The following ANKS1B variants were observed in gnomAD, a reference collection of about 807,000 sequenced individuals.
The protein encoded by ANKS1B is ankyrin repeat and sterile alpha motif domain containing 1B, also known as ankyrin repeat and sterile alpha motif domain-containing protein 1B.
ANKS1B carries 36 observed loss-of-function variants against 148.3 expected under a neutral mutation model. That is an observed-to-expected ratio of 0.24 (90% confidence interval 0.19 to 0.32). The LOEUF is 0.32. Ranked by LOEUF, ANKS1B falls within the 10% of genes least tolerant of loss-of-function variation. The pLI, the probability that ANKS1B is intolerant of heterozygous loss-of-function variation, is 1.00. For synonymous variants in ANKS1B, 542 were observed against 560.8 expected (o/e 0.97, Z 0.47); for missense variants, 1,157 against 1,542.6 (o/e 0.75, Z 4.19).
intron 10 of ANKS1B, among the ~76,000 whole-genome samples, chr12:99,463,316 T>A (rs572576613): frequency 6.6e-6 from 1 of 152,350 alleles, no homozygotes; most frequent in African/African-American, 2.4e-5. Context: ...GCAGCCAAGA[T>A]GGCCGAATAG....
intron 17 of ANKS1B, among the ~76,000 whole-genome samples, chr12:98,942,966 A>G (rs2099839407): frequency 6.6e-6 from 1 of 152,254 alleles, no homozygotes; most frequent in Non-Finnish European, 1.5e-5. Flanking sequence ...TGAGGAGTTC[A>G]AATGAGAAAA....
At chr12:99,154,474 G>C (rs770150714) in intron 14 of ANKS1B, 79 bp from the exon 15 acceptor site, 1 of 1,612,416 alleles carries the variant, frequency 6.2e-7, no homozygotes, top group Non-Finnish European at 8.5e-7. Context: ...TGGGCTGAGA[G>C]GTGGCATTGC....
chr12:99,034,750 C>G (rs757107987), intron 17 of ANKS1B, among the ~76,000 whole-genome samples: 11 of 152,174 alleles, frequency 7.2e-5, no homozygotes, highest in Non-Finnish European at 1.2e-4. Context: ...AGCTAGGAAT[C>G]AAGCTGAGTG....
intron 9 of ANKS1B, among the ~76,000 whole-genome samples, chr12:99,564,717 G>C (rs2097371057): frequency 6.6e-6 from 1 of 152,022 alleles, no homozygotes; most frequent in African/African-American, 2.4e-5. Context: ...ACCAATTTCT[G>C]TTTTTAGCAC....
intron 17 of ANKS1B, among the ~76,000 whole-genome samples, chr12:98,988,713 C>G (rs2099924882): frequency 6.6e-6 from 1 of 152,108 alleles, no homozygotes; most frequent in African/African-American, 2.4e-5. Context: ...TTTACATTCT[C>G]TCCAACAGTG....
At chr12:99,754,432 A>C (rs1235710154) in intron 8 of ANKS1B, among the ~76,000 whole-genome samples, 1 of 152,162 alleles carries the variant, frequency 6.6e-6, no homozygotes, top group Admixed American at 6.6e-5. Context: ...TCCACTGACA[A>C]TATGAGAAAG....
At chr12:99,233,146 T>G (rs1055384337) in intron 14 of ANKS1B, among the ~76,000 whole-genome samples, 6 of 152,102 alleles carry the variant, frequency 3.9e-5, no homozygotes, top group Non-Finnish European at 5.9e-5. Flanking sequence ...ATGTTTAGAT[T>G]TGGGTCCCAA....
In ANKS1B at chr12:99,443,742, T is replaced by C. The variant is rs2095588133; in HGVS notation, c.1506A>G (p.Pro502=). 2 of 1,612,422 alleles carry C rather than the reference T, an allele frequency of 1.2e-6. No individual in the cohort carries two copies. Among genetic ancestry groups the C allele is most frequent in the Non-Finnish European group, 1.7e-6 (2 of 1,178,914 alleles). The change falls in exon 11 of 27, where the codon CCA becomes CCG. Residue 502 remains proline, a synonymous_variant. Transcript: ENST00000683438. ...GGGATGGAGGTGAACAATCAGGTGT[T>C]GGGCCTGTTGAGCTGTTTCTATGGT... ...TSNHRNSSTG[P]TPDCSPPSPD...
At chr12:99,868,372 A>G (rs1453369054) in intron 1 of ANKS1B, among the ~76,000 whole-genome samples, 4 of 152,320 alleles carry the variant, frequency 2.6e-5, no homozygotes, top group Admixed American at 1.3e-4. Context: ...AACCTATAGC[A>G]GTCATACTTA....
intron 10 of ANKS1B, among the ~76,000 whole-genome samples, chr12:99,463,541 G>C (rs1019414933): frequency 2.6e-5 from 4 of 152,188 alleles, no homozygotes; most frequent in Non-Finnish European, 4.4e-5. Flanking sequence ...CCTAGTCAAA[G>C]AAAGGGGTGA....
At chr12:98,884,491 C>T (rs114633553) in intron 17 of ANKS1B, among the ~76,000 whole-genome samples, 18 of 152,314 alleles carry the variant, frequency 1.2e-4, no homozygotes, top group East Asian at 7.7e-4. Flanking sequence ...CATCTAGGCA[C>T]GTGGCTTTAG....
At chr12:99,409,395 G>A (rs1018544922) in intron 11 of ANKS1B, among the ~76,000 whole-genome samples, 12 of 152,064 alleles carry the variant, frequency 7.9e-5, no homozygotes, top group African/African-American at 2.9e-4. Flanking sequence ...AATAGTTAAT[G>A]GGCTCAAAAA....
chr12:99,419,530 T>A (rs1252751447), intron 11 of ANKS1B, among the ~76,000 whole-genome samples: 1 of 152,168 alleles, frequency 6.6e-6, no homozygotes, highest in Non-Finnish European at 1.5e-5. Flanking sequence ...GAAATAACAA[T>A]ATAATGATTT....
At chr12:99,896,524 A>G (rs946445896) in intron 1 of ANKS1B, among the ~76,000 whole-genome samples, 2 of 151,238 alleles carry the variant, frequency 1.3e-5, no homozygotes, top group African/African-American at 4.8e-5. Context: ...TTGTTTCATT[A>G]TCTTGGATAT....
intron 1 of ANKS1B, among the ~76,000 whole-genome samples, chr12:99,894,717 T>G (rs2093319241): frequency 6.7e-6 from 1 of 149,680 alleles, no homozygotes; most frequent in Non-Finnish European, 1.5e-5. Flanking sequence ...GTTAGATTAT[T>G]TCACCCCACT....
chr12:98,927,500 A>C (rs370755682), intron 17 of ANKS1B, among the ~76,000 whole-genome samples: 55 of 152,236 alleles, frequency 3.6e-4, no homozygotes, highest in African/African-American at 1.3e-3. Context: ...TAAAAGACGA[A>C]TGCAAAGCAA....
intron 8 of ANKS1B, among the ~76,000 whole-genome samples, chr12:99,658,600 G>C (rs1246596620): frequency 6.6e-6 from 1 of 152,046 alleles, no homozygotes; most frequent in Non-Finnish European, 1.5e-5. Flanking sequence ...AACTCAAACA[G>C]ATATATGTTT....
intron 17 of ANKS1B, among the ~76,000 whole-genome samples, chr12:99,001,485 A>G (rs1342571476): frequency 6.6e-6 from 1 of 152,170 alleles, no homozygotes; most frequent in Non-Finnish European, 1.5e-5. Context: ...ATCATCTGGT[A>G]GTTCTATGTT....
At chr12:99,634,944 A>C (rs1390572691) in intron 9 of ANKS1B, among the ~76,000 whole-genome samples, 2 of 152,194 alleles carry the variant, frequency 1.3e-5, no homozygotes, top group Non-Finnish European at 2.9e-5. Flanking sequence ...TAAAAAATAG[A>C]AAAAAGACTT....
Sources: gnomAD v4.1 joint callset for allele counts (sites outside exome capture counted in the v4.1 genomes callset) on GRCh38, gnomAD v4.1.1 for gene constraint, MANE v1.5 for transcripts, NCBI Gene and HGNC (gene_info 2026-07-23, HGNC 2026-07-21) for gene names.